The following GNAI1 variants were observed in gnomAD, a reference collection of about 807,000 sequenced individuals.
GNAI1 encodes G protein subunit alpha i1.
In GNAI1, 11 loss-of-function variants were observed where a neutral mutation model predicts 38.9. The ratio of observed to expected loss-of-function variants is 0.28; its 90% confidence interval spans 0.18 to 0.47. The LOEUF (loss-of-function observed/expected upper bound fraction) is 0.47, where lower values mean the gene tolerates loss of function less well. Among genes scored for constraint, GNAI1 ranks in the 20% least tolerant of loss-of-function variants. GNAI1 has a pLI of 0.99. For synonymous variants in GNAI1, 166 were observed against 145.1 expected, an observed-to-expected ratio of 1.14 and a Z score of -1.04; for missense variants, 317 against 436.9, an observed-to-expected ratio of 0.73 and a Z score of 2.45.
At chr7:80,199,542 T>C (rs566163809) in intron 4 of GNAI1, among the ~76,000 whole-genome samples, 160 bp downstream of exon 4, 3 of 152,284 alleles carry the variant, frequency 2.0e-5, no homozygotes, top group Admixed American at 1.3e-4. Context: ...ATGTGTGTTG[T>C]GTGTGTGTAG....
In GNAI1 at chr7:80,225,468, GT is replaced by G. The variant is rs1032945810; in HGVS notation, c.*7982del. Among the ~76,000 whole-genome samples the G allele has an allele frequency of 6.6e-6, 1 of 151,738 alleles. No homozygotes were observed. The highest frequency in any genetic ancestry group is 1.5e-5 in the Non-Finnish European group (1 of 67,928). On this transcript the variant is annotated 3_prime_UTR_variant, in exon 8 of 8. Transcript: ENST00000649796. ...TAATGTTGTTATTGTGTTGTGTTTTGTTTTTTTAATATGTTTCAATTCCCCT... is the reference window on the plus strand; with the variant it reads ...TAATGTTGTTATTGTGTTGTGTTTTGTTTTTTAATATGTTTCAATTCCCCT...
At chr7:80,172,857 A>G (rs1788120227) in intron 1 of GNAI1, among the ~76,000 whole-genome samples, 3 of 152,136 alleles carry the variant, frequency 2.0e-5, no homozygotes, top group Non-Finnish European at 2.9e-5. Context: ...TTATTTGCAT[A>G]ATATTAGAAG....
chr7:80,179,910 C>A (rs555247038), intron 1 of GNAI1, among the ~76,000 whole-genome samples: 1,807 of 152,172 alleles, frequency 0.012, 36 homozygotes, highest in African/African-American at 0.041. Flanking sequence ...GGATATATTA[C>A]CTTTATTATA....
intron 1 of GNAI1, among the ~76,000 whole-genome samples, chr7:80,182,280 G>T (rs1562834516): frequency 6.6e-6 from 1 of 152,016 alleles, no homozygotes; most frequent in African/African-American, 2.4e-5. Context: ...GCATAAGTTG[G>T]CTATTGTGAA....
At chr7:80,173,431 T>G (rs998674786) in intron 1 of GNAI1, among the ~76,000 whole-genome samples, 4 of 152,150 alleles carry the variant, frequency 2.6e-5, no homozygotes, top group Non-Finnish European at 4.4e-5. Flanking sequence ...GCCCCTATAT[T>G]CTGATAAGTA....
At chr7:80,187,677 GTGA>G (rs1353682277) in intron 1 of GNAI1, among the ~76,000 whole-genome samples, 1 of 152,136 alleles carries the variant, frequency 6.6e-6, no homozygotes, top group Non-Finnish European at 1.5e-5. Flanking sequence ...TGAAAATATA[GTGA>G]AAATCCTGGG....
chr7:80,204,517 C>T (rs559540551), intron 5 of GNAI1, among the ~76,000 whole-genome samples: 1 of 152,170 alleles, frequency 6.6e-6, no homozygotes, highest in East Asian at 1.9e-4. Flanking sequence ...TCCTCTTTTT[C>T]CAGTAAATAA....
intron 1 of GNAI1, among the ~76,000 whole-genome samples, chr7:80,139,673 T>C (rs937615132): frequency 3.3e-5 from 5 of 152,176 alleles, no homozygotes; most frequent in African/African-American, 1.2e-4. Context: ...TCAATATCAA[T>C]GAGAGCAAAT....
At chr7:80,195,826 T>C (rs1788559582) in intron 3 of GNAI1, among the ~76,000 whole-genome samples, 1 of 152,062 alleles carries the variant, frequency 6.6e-6, no homozygotes, top group African/African-American at 2.4e-5. Flanking sequence ...TTTTTTGTTT[T>C]TCAGGTGGCT....
At chr7:80,166,860 A>T (rs1007519693) in intron 1 of GNAI1, among the ~76,000 whole-genome samples, 1 of 152,234 alleles carries the variant, frequency 6.6e-6, no homozygotes, top group Non-Finnish European at 1.5e-5. Flanking sequence ...AGCAGGTTCC[A>T]GGTGCTCTTC....
rs772509449 is a variant in GNAI1 at position 80,212,730 on chromosome 7, A to G, written c.735A>G (p.Glu245=). 9.1e-6 allele frequency: 14 copies of G among 1,536,822 alleles called. 1 individual carries two copies. In the South Asian group the frequency reaches 1.8e-4, roughly 20 times the overall value. ...AEDEEMNRMH[E]SMKLFDSICN... ...TTCTATTACAGAACCGAATGCATGA[A>G]AGCATGAAATTGTTTGACAGCATAT... The change falls in exon 7 of 8, where the codon GAA becomes GAG. Residue 245 remains glutamate, a synonymous_variant. Transcript: ENST00000649796.
rs1789072028 is a variant in GNAI1 at position 80,221,399 on chromosome 7, G to C, written c.*3906G>C. Among the ~76,000 whole-genome samples the C allele has an allele frequency of 6.6e-6, 1 of 152,080 alleles. No individual in the cohort carries two copies. The highest frequency in any genetic ancestry group is 6.6e-5 in the Admixed American group (1 of 15,258). ...ATTTGATTATAAATAATAGTTTTAA[G>C]GTGCCTTTAAAATCATAATCAGTGC... On this transcript the variant is annotated 3_prime_UTR_variant, in exon 8 of 8. Transcript: ENST00000649796.
At chr7:80,198,647 G>A (rs1239959541) in intron 3 of GNAI1, among the ~76,000 whole-genome samples, 1 of 152,038 alleles carries the variant, frequency 6.6e-6, no homozygotes, top group Non-Finnish European at 1.5e-5. Context: ...CTGCCCCATT[G>A]ATTTTAATGT....
intron 1 of GNAI1, among the ~76,000 whole-genome samples, chr7:80,188,222 T>A (rs1788422049): frequency 6.6e-6 from 1 of 152,186 alleles, no homozygotes; most frequent in Non-Finnish European, 1.5e-5. Context: ...TTTAAAATAG[T>A]TTTTCATGTG....
intron 1 of GNAI1, among the ~76,000 whole-genome samples, chr7:80,186,587 G>A (rs1218380210): frequency 2.6e-5 from 4 of 151,708 alleles, no homozygotes; most frequent in Admixed American, 6.6e-5. Flanking sequence ...TCTTCCTTTC[G>A]TGGATCTCAA....
chr7:80,174,619 CTTTT>C (rs1184924450), intron 1 of GNAI1, among the ~76,000 whole-genome samples: 3 of 150,924 alleles, frequency 2.0e-5, no homozygotes, highest in Non-Finnish European at 4.4e-5. Flanking sequence ...GGTTTTGGGG[CTTTT>C]TATTTTATTT....
At chr7:80,208,732 C>G (rs1178153374) in intron 5 of GNAI1, among the ~76,000 whole-genome samples, 10 of 152,198 alleles carry the variant, frequency 6.6e-5, no homozygotes, top group Non-Finnish European at 1.5e-4. Flanking sequence ...CTTCCACTCT[C>G]ATTTTACTAT....
At position 80,199,132 on chromosome 7, in the gene GNAI1, G is replaced by A. The variant is rs1001424074; in HGVS notation, c.304-93G>A. The A allele has an allele frequency of 2.1e-5, 18 of 876,046 alleles. No homozygotes were observed. In the African/African-American group the frequency reaches 3.0e-4, roughly 15 times the overall value. 54.3% of individuals were successfully genotyped at this position (876,046 alleles called of 1,614,324 possible). ...ATAAAAACAAAGGAAGTTCGCTATT[G>A]CCTTTTTTTTTTTAACTCTAGAATT... is the stretch of plus-strand genomic sequence containing the variant. On this transcript the variant is annotated intron_variant, in intron 3 of 7. Transcript: ENST00000649796.
Position 80,218,999 on chromosome 7 carries a change from T to C in GNAI1, c.*1506T>C, listed in dbSNP as rs562233674. The C allele has an allele frequency of 5.3e-5, 8 of 150,916 alleles. No homozygotes were observed. The highest frequency in any genetic ancestry group is 1.2e-4 in the Non-Finnish European group (8 of 67,762). 9.3% of individuals were successfully genotyped at this position (150,916 alleles called of 1,614,324 possible). The stretch of plus-strand genomic sequence containing the variant: ...CGTTGCTGGTAAGTAGTTTCCAAGT[T>C]ACGTGTTGTCACTGGGTTGAAGTAT... On this transcript the variant is annotated 3_prime_UTR_variant, in exon 8 of 8. Transcript: ENST00000649796.
Sources: gnomAD v4.1 joint callset for allele counts (sites outside exome capture counted in the v4.1 genomes callset) on GRCh38, gnomAD v4.1.1 for gene constraint, MANE v1.5 for transcripts, NCBI Gene and HGNC (gene_info 2026-07-23, HGNC 2026-07-21) for gene names.